Variants in GUCA1A observed in about 807,000 individuals in gnomAD.
GUCA1A encodes the protein guanylate cyclase activator 1A, also known as guanylyl cyclase-activating protein 1.
GUCA1A carries 14 observed loss-of-function variants against 18.5 expected under a neutral mutation model. The ratio of observed to expected loss-of-function variants is 0.76; its 90% CI spans 0.50 to 1.18. The LOEUF (loss-of-function observed/expected upper bound fraction) is 1.18, where lower values mean the gene tolerates loss of function less well. GUCA1A is among the 50% of genes most tolerant of loss of function. GUCA1A has a pLI of 0.00. For synonymous variants in GUCA1A, 97 were observed against 100.2 expected, an observed-to-expected ratio of 0.97 and a Z score of 0.19; for missense variants, 264 against 262.4, an observed-to-expected ratio of 1.01 and a Z score of -0.04.
intron 1 of GUCA1A, among the ~76,000 whole-genome samples, chr6:42,176,841 C>A (rs573485592): frequency 1.3e-4 from 20 of 152,170 alleles, no homozygotes; most frequent in African/African-American, 4.8e-4. Context: ...TATTTATTTA[C>A]GTAGAGAATT....
At position 42,179,637 on chromosome 6, in the gene GUCA1A, G is replaced by A; in HGVS notation, c.*234G>A. The stretch of plus-strand genomic sequence containing the variant: ...TGGTGGCAGCACTCCTTGCTGGGGG[G>A]CACTGTTCAACATCCCTCTGCCGTC... On this transcript the variant is annotated 3_prime_UTR_variant, in exon 4 of 4. Transcript: ENST00000372958. 2 of 477,622 alleles carry A rather than the reference G, an allele frequency of 4.2e-6. No homozygotes were observed. The highest frequency in any genetic ancestry group is 7.4e-6 in the Non-Finnish European group (2 of 270,192). 29.6% of individuals were successfully genotyped at this position (477,622 alleles called of 1,614,324 possible). A position where few individuals can be genotyped will look rare whatever the true frequency, so the allele number is the denominator to read the frequency against.
intron 1 of GUCA1A, among the ~76,000 whole-genome samples, chr6:42,175,283 C>T (rs1767924501): frequency 6.7e-6 from 1 of 148,304 alleles, no homozygotes; most frequent in Non-Finnish European, 1.5e-5. Flanking sequence ...TACAGTCACA[C>T]ATATGACGCC....
intron 1 of GUCA1A, among the ~76,000 whole-genome samples, chr6:42,175,801 G>A (rs961748180): frequency 6.6e-6 from 1 of 152,028 alleles, no homozygotes; most frequent in African/African-American, 2.4e-5. Flanking sequence ...ACACACCCCC[G>A]CCTTAGGGGT....
At chr6:42,176,731 T>C (rs1030991223) in intron 1 of GUCA1A, among the ~76,000 whole-genome samples, 1 of 152,182 alleles carries the variant, frequency 6.6e-6, no homozygotes, top group Non-Finnish European at 1.5e-5. Flanking sequence ...ACTGCACCTG[T>C]CCAGAAGTTT....
At chr6:42,177,631 G>T (rs935610803) in intron 1 of GUCA1A, among the ~76,000 whole-genome samples, 1 of 152,034 alleles carries the variant, frequency 6.6e-6, no homozygotes, top group Admixed American at 6.6e-5. Flanking sequence ...AAGAGCAAAA[G>T]TATCCTCACC....
chr6:42,178,978 A>G, intron 3 of GUCA1A, 83 bp downstream of exon 3: 1 of 1,082,282 alleles, frequency 9.2e-7, no homozygotes, highest in Non-Finnish European at 1.4e-6. Context: ...ACTAAAGGAG[A>G]GGGTGAGGAA....
intron 1 of GUCA1A, among the ~76,000 whole-genome samples, chr6:42,178,004 G>A (rs1157797722): frequency 5.3e-5 from 8 of 152,222 alleles, no homozygotes; most frequent in African/African-American, 9.6e-5. Context: ...AACAGACAGC[G>A]CCAGCCATTC....
At position 42,179,501 on chromosome 6, in the gene GUCA1A, T is replaced by G; in HGVS notation, c.*98T>G. 9.3e-7 allele frequency: 1 copy of G among 1,070,262 alleles called. No homozygotes were observed. The highest frequency in any genetic ancestry group is 1.3e-6 in the Non-Finnish European group (1 of 754,210). The allele number at this position is 1,070,262 out of a possible 1,614,324, so 66.3% of individuals were successfully genotyped here. ...TAACCCTAGATAGAATCTAATGAACTCAGAGGCTTAGCTCGCCTCTTTAGG... is the reference window on the plus strand; with the variant it reads ...TAACCCTAGATAGAATCTAATGAACGCAGAGGCTTAGCTCGCCTCTTTAGG... On this transcript the variant is annotated 3_prime_UTR_variant, in exon 4 of 4. Transcript: ENST00000372958.
At position 42,179,370 on chromosome 6, in the gene GUCA1A, G is replaced by A. The variant is rs757375843; in HGVS notation, c.573G>A (p.Glu191=). The change falls in exon 4 of 4, where the codon GAG becomes GAA. Residue 191 remains glutamate, a synonymous_variant. Transcript: ENST00000372958. ...RRLQNGEQDE[E]GADEAAEAAG is the part of the protein sequence containing the mutation. ...TCCAGAATGGCGAGCAAGACGAGGA[G>A]GGGGCTGACGAGGCCGCTGAGGCAG... The A allele has an allele frequency of 2.5e-6, 4 of 1,608,944 alleles. No individual in the cohort carries two copies. The highest frequency in any genetic ancestry group is 3.4e-6 in the Non-Finnish European group (4 of 1,176,766).
At position 42,179,467 on chromosome 6, in the gene GUCA1A, T is replaced by C; in HGVS notation, c.*64T>C. ...GGTATGGTGGTGCCTGTTGGTGGTG[T>C]TCTTGTCTTAACCCTAGATAGAATC... is the stretch of plus-strand genomic sequence containing the variant. On this transcript the variant is annotated 3_prime_UTR_variant, in exon 4 of 4. Transcript: ENST00000372958. The C allele has an allele frequency of 7.4e-7, 1 of 1,350,540 alleles. No individual in the cohort carries two copies. 83.7% of individuals were successfully genotyped at this position (1,350,540 alleles called of 1,614,324 possible). A position where few individuals can be genotyped will look rare whatever the true frequency, so the allele number is the denominator to read the frequency against.
intron 1 of GUCA1A, among the ~76,000 whole-genome samples, chr6:42,177,738 G>C (rs1451025420): frequency 6.6e-6 from 1 of 152,196 alleles, no homozygotes; most frequent in African/African-American, 2.4e-5. Flanking sequence ...GCTGATGACA[G>C]TCCTGGGAGG....
chr6:42,178,489 G>T, intron 2 of GUCA1A, 60 bp downstream of exon 2: 3 of 1,448,018 alleles, frequency 2.1e-6, no homozygotes, highest in East Asian at 2.3e-5. Context: ...GGAACTGAGA[G>T]CCCAGGGTTA....
intron 1 of GUCA1A, among the ~76,000 whole-genome samples, chr6:42,175,608 G>A (rs893612714): frequency 6.6e-5 from 10 of 151,950 alleles, no homozygotes; most frequent in Middle Eastern, 3.2e-3. Flanking sequence ...CAGGTGATCC[G>A]CCCACCTCGG....
At chr6:42,175,722 C>T (rs1767942208) in intron 1 of GUCA1A, among the ~76,000 whole-genome samples, 1 of 152,250 alleles carries the variant, frequency 6.6e-6, no homozygotes, top group African/African-American at 2.4e-5. Flanking sequence ...CAAACCTGAC[C>T]CTTGTCTTTC....
At chr6:42,178,574 G>T (rs1200988019) in intron 2 of GUCA1A, 145 bp downstream of exon 2, 2 of 866,434 alleles carry the variant, frequency 2.3e-6, no homozygotes, top group Admixed American at 3.6e-5. Flanking sequence ...CACCAGCTGC[G>T]TGACCCAGGC....
intron 1 of GUCA1A, among the ~76,000 whole-genome samples, chr6:42,174,983 A>G (rs1219022696): frequency 6.6e-6 from 1 of 152,230 alleles, no homozygotes; most frequent in African/African-American, 2.4e-5. Context: ...GGACCAAAGT[A>G]GATTACGGGC....
intron 1 of GUCA1A, among the ~76,000 whole-genome samples, 192 bp downstream of exon 1, chr6:42,174,006 G>A (rs996421706): frequency 2.6e-5 from 4 of 152,188 alleles, no homozygotes; most frequent in Admixed American, 1.3e-4. Flanking sequence ...TAATGTTTGT[G>A]CTTTAATGAG....
At chr6:42,176,915 T>C (rs1317880655) in intron 1 of GUCA1A, among the ~76,000 whole-genome samples, 1 of 152,238 alleles carries the variant, frequency 6.6e-6, no homozygotes, top group Non-Finnish European at 1.5e-5. Context: ...ATATTTACTC[T>C]TTGGCTCTTT....
intron 1 of GUCA1A, among the ~76,000 whole-genome samples, chr6:42,178,048 T>C (rs552921941): frequency 6.6e-6 from 1 of 152,318 alleles, no homozygotes; most frequent in East Asian, 1.9e-4. Flanking sequence ...TTAGATTTGA[T>C]TGGCAGCCTC....
Sources: gnomAD v4.1 joint callset for allele counts (sites outside exome capture counted in the v4.1 genomes callset) on GRCh38, gnomAD v4.1.1 for gene constraint, MANE v1.5 for transcripts, NCBI Gene and HGNC (gene_info 2026-07-23, HGNC 2026-07-21) for gene names.